The following TNNI3K variants were observed in gnomAD, a reference collection of about 807,000 sequenced individuals.
The protein encoded by TNNI3K is serine/threonine-protein kinase TNNI3K.
A neutral mutation model predicts 114.5 loss-of-function variants in TNNI3K; 140 were observed. The ratio of observed to expected loss-of-function variants is 1.22; its 90% CI spans 1.07 to 1.41. The LOEUF (loss-of-function observed/expected upper bound fraction) is 1.41, where lower values mean the gene tolerates loss of function less well. Ranked by LOEUF, TNNI3K falls within the 40% of genes most tolerant of loss-of-function variation. TNNI3K has a pLI of 0.00. For missense variants in TNNI3K, 1,125 were observed against 1,007.6 expected, an observed-to-expected ratio of 1.12 and a Z score of -1.58; for synonymous variants, 347 against 347.5, an observed-to-expected ratio of 1.00 and a Z score of 0.02.
chr1:74,504,921 T>A (rs1357263257), intron 23 of TNNI3K, among the ~76,000 whole-genome samples: 2 of 152,194 alleles, frequency 1.3e-5, no homozygotes, highest in African/African-American at 4.8e-5. Context: ...CCCAGCCACA[T>A]GAAGAGAACC....
chr1:74,241,667 T>C (rs990278444), intron 2 of TNNI3K, among the ~76,000 whole-genome samples: 5 of 152,210 alleles, frequency 3.3e-5, no homozygotes, highest in African/African-American at 9.6e-5. Flanking sequence ...TTGTAGATTC[T>C]AGATATTAGC....
At chr1:74,480,919 G>A (rs1668466322) in intron 21 of TNNI3K, 1 of 717,372 alleles carries the variant, frequency 1.4e-6, no homozygotes, top group South Asian at 1.5e-5. Flanking sequence ...TCTCAATAGA[G>A]GAGAGATATC....
chr1:74,483,241 TAG>T (rs1370307039), intron 21 of TNNI3K: 1 of 716,640 alleles, frequency 1.4e-6, no homozygotes, highest in Non-Finnish European at 2.6e-6. Flanking sequence ...CACTGCTTTT[TAG>T]AGTTATTAGT....
At chr1:74,293,365 A>G (rs1657794705) in intron 5 of TNNI3K, among the ~76,000 whole-genome samples, 1 of 151,738 alleles carries the variant, frequency 6.6e-6, no homozygotes, top group Non-Finnish European at 1.5e-5. Flanking sequence ...CTGAAGCTTT[A>G]CAATGAGTTT....
At chr1:74,305,210 T>C (rs2100333961) in intron 5 of TNNI3K, among the ~76,000 whole-genome samples, 1 of 152,280 alleles carries the variant, frequency 6.6e-6, no homozygotes, top group Middle Eastern at 3.4e-3. Flanking sequence ...AATTTTGATG[T>C]TGATTATCAG....
Position 74,369,116 on chromosome 1 carries a change from T to C in TNNI3K, c.1414+2T>C. 6.2e-7 allele frequency: 1 copy of C among 1,603,438 alleles called. No individual in the cohort carries two copies. Among genetic ancestry groups the C allele is most frequent in the Non-Finnish European group, 8.5e-7 (1 of 1,176,248 alleles). ...AGTTCCATGAGATTATTGGCTCAGGTAACCTAAAATAAATAAATAAATAAA... is the reference window on the plus strand; with the variant it reads ...AGTTCCATGAGATTATTGGCTCAGGCAACCTAAAATAAATAAATAAATAAA... On this transcript the variant is annotated splice_donor_variant, in intron 14 of 24. Transcript: ENST00000326637. LOFTEE classifies it high-confidence loss of function.
intron 5 of TNNI3K, among the ~76,000 whole-genome samples, chr1:74,301,008 G>A (rs1658297251): frequency 6.6e-6 from 1 of 152,170 alleles, no homozygotes; most frequent in Admixed American, 6.5e-5. Flanking sequence ...TCAATAAAGT[G>A]TGAATGTGCA....
intron 5 of TNNI3K, among the ~76,000 whole-genome samples, chr1:74,290,489 A>G (rs1215120050): frequency 2.0e-5 from 3 of 151,790 alleles, no homozygotes; most frequent in Non-Finnish European, 4.4e-5. Context: ...ATTGAATTGC[A>G]TGGGTGTTCA....
At position 74,375,565 on chromosome 1, in the gene TNNI3K, A is replaced by T. The variant is rs143822917; in HGVS notation, c.1772+5173A>T. 111 of 455,356 alleles carry T rather than the reference A, an allele frequency of 2.4e-4. No homozygotes were observed. The East Asian group carries it at 6.9e-3, about 28-fold the overall frequency. 28.2% of individuals were successfully genotyped at this position (455,356 alleles called of 1,614,324 possible). A position where few individuals can be genotyped will look rare whatever the true frequency, so the allele number is the denominator to read the frequency against. On this transcript the variant is annotated intron_variant, in intron 17 of 24. Coordinates refer to ENST00000326637, the MANE Select transcript of TNNI3K (RefSeq NM_015978.3). ...GATCAGTGCTTGAGATATTTTGCAG[A>T]TGCTGTACAGGATGGCTCAGCTGCT... is the stretch of plus-strand genomic sequence containing the variant.
chr1:74,543,993 C>T lies in TNNI3K; in HGVS notation c.*11C>T, dbSNP rs201363625. 1.6e-4 allele frequency: 250 copies of T among 1,611,156 alleles called. No individual in the cohort carries two copies. The highest frequency in any genetic ancestry group is 2.0e-4 in the Non-Finnish European group (234 of 1,178,978). ...GAGGACAGCAGCTGACAGCATTCGG[C>T]GTATACCTAAGGAGAGTTTTTTCCC... On this transcript the variant is annotated 3_prime_UTR_variant, in exon 25 of 25. Coordinates refer to ENST00000326637, the MANE Select transcript of TNNI3K (RefSeq NM_015978.3).
chr1:74,382,627 C>T (rs1164511335), intron 17 of TNNI3K, among the ~76,000 whole-genome samples: 1 of 152,156 alleles, frequency 6.6e-6, no homozygotes, highest in African/African-American at 2.4e-5. Context: ...AGCATGCAAG[C>T]TTCACAGAAT....
At chr1:74,495,444 T>TA (rs1415681120) in intron 23 of TNNI3K, among the ~76,000 whole-genome samples, 3 of 152,194 alleles carry the variant, frequency 2.0e-5, no homozygotes, top group Admixed American at 6.5e-5. Flanking sequence ...AGATAAAGAA[T>TA]AAAAAATTGG....
chr1:74,468,531 G>T (rs1307360293), intron 21 of TNNI3K: 2 of 152,052 alleles, frequency 1.3e-5, no homozygotes, highest in Non-Finnish European at 2.9e-5. Flanking sequence ...ATATTGGCGA[G>T]AAAAGATGAA....
chr1:74,326,287 G>A (rs959149468), intron 5 of TNNI3K, among the ~76,000 whole-genome samples: 8 of 151,936 alleles, frequency 5.3e-5, no homozygotes, highest in Admixed American at 1.3e-4. Context: ...CTCTTCCATG[G>A]GACATTTGGT....
chr1:74,378,785 G>A (rs1438199546), intron 17 of TNNI3K: 1 of 151,328 alleles, frequency 6.6e-6, no homozygotes, highest in Non-Finnish European at 1.5e-5. Flanking sequence ...CCTGGGAAAT[G>A]TAGTCTAGCT....
intron 21 of TNNI3K, chr1:74,483,225 A>C (rs1350628640): frequency 1.1e-5 from 8 of 715,410 alleles, no homozygotes; most frequent in Non-Finnish European, 1.8e-5. Flanking sequence ...TTCCAGGTAC[A>C]CTGAGCACTG....
At chr1:74,503,904 A>G (rs192040350) in intron 23 of TNNI3K, among the ~76,000 whole-genome samples, 19 of 152,320 alleles carry the variant, frequency 1.2e-4, no homozygotes, top group African/African-American at 3.8e-4. Context: ...AGTGTTTGGT[A>G]TACCTCATTA....
intron 21 of TNNI3K, among the ~76,000 whole-genome samples, chr1:74,476,944 TACC>T (rs1668236509): frequency 6.6e-6 from 1 of 152,174 alleles, no homozygotes; most frequent in South Asian, 2.1e-4. Context: ...AAAATCCTCA[TACC>T]ATTGTATAGT....
At chr1:74,533,212 C>T (rs1646613782) in intron 23 of TNNI3K, among the ~76,000 whole-genome samples, 1 of 151,982 alleles carries the variant, frequency 6.6e-6, no homozygotes, top group Admixed American at 6.6e-5. Flanking sequence ...CTCAAATTTA[C>T]AAGAAAAAAA....
Sources: gnomAD v4.1 joint callset for allele counts (sites outside exome capture counted in the v4.1 genomes callset) on GRCh38, gnomAD v4.1.1 for gene constraint, MANE v1.5 for transcripts, NCBI Gene and HGNC (gene_info 2026-07-23, HGNC 2026-07-21) for gene names.